Variants in ACSM3 observed in about 807,000 individuals in gnomAD.
ACSM3 encodes the protein acyl-CoA synthetase medium chain family member 3.
In ACSM3, 61 loss-of-function variants were observed where a neutral mutation model predicts 74.1. That is an observed-to-expected ratio of 0.82 (90% CI 0.67 to 1.02). The LOEUF is 1.02. Ranked by LOEUF, ACSM3 falls within the 50% of genes least tolerant of loss-of-function variation. The probability of loss-of-function intolerance (pLI) is 0.00; values close to 1 mark genes in which losing one functional copy is unlikely to be tolerated. For synonymous variants in ACSM3, 213 were observed against 241.5 expected (o/e 0.88, Z 1.09); for missense variants, 660 against 697.0 (o/e 0.95, Z 0.60).
intron 1 of ACSM3, among the ~76,000 whole-genome samples, chr16:20,697,343 C>A (rs750610138): frequency 7.9e-5 from 12 of 152,144 alleles, no homozygotes; most frequent in Non-Finnish European, 1.6e-4. Flanking sequence ...CTGTCTCCCA[C>A]GGCTCACCAC....
intron 1 of ACSM3, chr16:20,718,326 T>A: frequency 1.3e-6 from 1 of 776,568 alleles, no homozygotes; most frequent in Admixed American, 3.5e-5. Context: ...CACCACCATC[T>A]TGGGGTCCAT....
At chr16:20,716,449 G>A (rs192001135) in intron 1 of ACSM3, among the ~76,000 whole-genome samples, 2 of 152,218 alleles carry the variant, frequency 1.3e-5, no homozygotes, top group African/African-American at 2.4e-5. Context: ...AAAACTCCTC[G>A]TGGCTTGGAT....
intron 2 of ACSM3, among the ~76,000 whole-genome samples, chr16:20,771,371 CTTTTTTTTTT>C (rs57406215): frequency 2.3e-5 from 2 of 85,266 alleles, no homozygotes; most frequent in African/African-American, 4.5e-5. Flanking sequence ...GGCCGAGCTC[CTTTTTTTTTT>C]TTTTTTTTTT....
At chr16:20,735,175 C>T (rs751357300) in intron 1 of ACSM3, 8 of 152,132 alleles carry the variant, frequency 5.3e-5, no homozygotes, top group African/African-American at 1.9e-4. Flanking sequence ...TGATGAAAAA[C>T]GTCTGCAAAA....
intron 2 of ACSM3, among the ~76,000 whole-genome samples, chr16:20,754,544 T>G (rs962726305): frequency 6.6e-6 from 1 of 152,208 alleles, no homozygotes; most frequent in Non-Finnish European, 1.5e-5. Context: ...ATCAAGTAAT[T>G]TCTTTGCTCA....
At chr16:20,685,079 C>A (rs968180925) in intron 1 of ACSM3, 2 of 1,103,610 alleles carry the variant, frequency 1.8e-6, no homozygotes, top group Admixed American at 4.0e-5. Flanking sequence ...GAAACTGGGG[C>A]GAAGGCTTCA....
At chr16:20,678,725 C>CA (rs1397506893) in intron 1 of ACSM3, among the ~76,000 whole-genome samples, 1 of 152,180 alleles carries the variant, frequency 6.6e-6, no homozygotes, top group African/African-American at 2.4e-5. Context: ...ATGGAAATAA[C>CA]ATATAGCCTA....
In ACSM3 at chr16:20,797,045, GGA is replaced by G; in HGVS notation, c.*77_*78del. 6.4e-7 allele frequency: 1 copy of G among 1,551,310 alleles called. No homozygotes were observed. The highest frequency in any genetic ancestry group is 2.3e-5 in the East Asian group (1 of 42,968). ...CAATCTCTAGAAACCACAAGATGAT[GGA>G]GAGGTCATAAAAACTGTGGTAGTAT... On this transcript the variant is annotated 3_prime_UTR_variant, in exon 14 of 14. Transcript: ENST00000289416.
Position 20,717,921 on chromosome 16 carries a change from GGAGGAGA to G in ACSM3, c.-189-31988_-189-31982del, listed in dbSNP as rs2079768693. On this transcript the variant is annotated intron_variant, in intron 1 of 3. Transcript: ENST00000561584. ...AGAAGGAGGAAAAAAAGAAGAAGAA[GGAGGAGA>G]AGGAGAAGGAGAAGAGGAAGAGGAA... is the stretch of plus-strand genomic sequence containing the variant. Among the ~76,000 whole-genome samples the G allele has an allele frequency of 4.5e-5, 6 of 133,196 alleles. No individual in the cohort carries two copies. The South Asian group carries it at 1.5e-3, about 34-fold the overall frequency. 87.4% of individuals were successfully genotyped at this position (133,196 alleles called of 152,430 possible). A position where few individuals can be genotyped will look rare whatever the true frequency, so the allele number is the denominator to read the frequency against.
chr16:20,735,794 T>C (rs1264202854), intron 1 of ACSM3: 1 of 152,254 alleles, frequency 6.6e-6, no homozygotes, highest in Non-Finnish European at 1.5e-5. Context: ...TTTCAGTTAA[T>C]GACACAAAAC....
At chr16:20,706,368 C>T (rs1043183313) in intron 1 of ACSM3, among the ~76,000 whole-genome samples, 1 of 152,204 alleles carries the variant, frequency 6.6e-6, no homozygotes, top group Non-Finnish European at 1.5e-5. Context: ...CAAATTACCA[C>T]TGACTTCTCT....
chr16:20,755,300 T>G (rs1303561490), intron 2 of ACSM3, among the ~76,000 whole-genome samples: 1 of 152,108 alleles, frequency 6.6e-6, no homozygotes, highest in Non-Finnish European at 1.5e-5. Flanking sequence ...AGAGTTCAAA[T>G]GAATGAAGAA....
chr16:20,759,333 G>A (rs532942624), upstream of ACSM3, among the ~76,000 whole-genome samples: 5 of 152,218 alleles, frequency 3.3e-5, no homozygotes, highest in Admixed American at 2.0e-4. Context: ...TGAGGTGGGC[G>A]GATCATGAGG....
At chr16:20,696,925 C>T (rs890108182) in intron 1 of ACSM3, among the ~76,000 whole-genome samples, 10 of 152,206 alleles carry the variant, frequency 6.6e-5, no homozygotes, top group African/African-American at 2.4e-4. Context: ...TGTCTCTGAA[C>T]TTAAGCGCAC....
chr16:20,785,910 T>TA (rs1379600635), intron 8 of ACSM3, among the ~76,000 whole-genome samples, 168 bp from the exon 9 acceptor site: 1 of 152,240 alleles, frequency 6.6e-6, no homozygotes, highest in Admixed American at 6.5e-5. Flanking sequence ...ATTTTATACA[T>TA]ATGCATGTAT....
At chr16:20,750,221 T>G (rs1253282511) in intron 2 of ACSM3, among the ~76,000 whole-genome samples, 1 of 152,244 alleles carries the variant, frequency 6.6e-6, no homozygotes. Context: ...CTCTTTATTT[T>G]ATATCAATCT....
At chr16:20,710,571 C>T (rs2079740880) in intron 1 of ACSM3, among the ~76,000 whole-genome samples, 1 of 152,020 alleles carries the variant, frequency 6.6e-6, no homozygotes. Context: ...TCTCGAAATA[C>T]TGGGCTCAAG....
At chr16:20,759,948 G>A (rs971493682), upstream of ACSM3, among the ~76,000 whole-genome samples, 38 of 152,142 alleles carry the variant, frequency 2.5e-4, no homozygotes, top group African/African-American at 8.7e-4. Flanking sequence ...TGACCAAGAG[G>A]ACCCAAGGAA....
At chr16:20,742,945 T>A (rs1279914572) in intron 1 of ACSM3, among the ~76,000 whole-genome samples, 2 of 147,768 alleles carry the variant, frequency 1.4e-5, no homozygotes, top group African/African-American at 4.9e-5. Context: ...TGTCTATTTT[T>A]TTTTTTTTTT....
Sources: gnomAD v4.1 joint callset for allele counts (sites outside exome capture counted in the v4.1 genomes callset) on GRCh38, gnomAD v4.1.1 for gene constraint, MANE v1.5 for transcripts, NCBI Gene and HGNC (gene_info 2026-07-23, HGNC 2026-07-21) for gene names.